CFAP91: variants seen among roughly 807,000 people sequenced by gnomAD.
The protein encoded by CFAP91 is cilia- and flagella-associated protein 91.
A neutral mutation model predicts 95.9 loss-of-function variants in CFAP91; 85 were observed. The ratio of observed to expected loss-of-function variants is 0.89; its 90% CI spans 0.74 to 1.06. CFAP91 has a LOEUF of 1.06. Among genes scored for constraint, CFAP91 ranks in the 50% least tolerant of loss-of-function variants. The pLI is 0.00. For missense variants in CFAP91, 962 were observed against 943.4 expected, an observed-to-expected ratio of 1.02 and a Z score of -0.26; for synonymous variants, 335 against 327.5, an observed-to-expected ratio of 1.02 and a Z score of -0.25.
chr3:119,732,256 T>C (rs564802939), intron 8 of CFAP91, 38 bp from the exon 9 acceptor site: 1 of 1,486,460 alleles, frequency 6.7e-7, no homozygotes, highest in African/African-American at 1.4e-5. Context: ...TTCAGAACAA[T>C]ATTTTAGAGA....
At chr3:119,710,694 AG>A (rs912120493) in intron 5 of CFAP91, among the ~76,000 whole-genome samples, 2 of 152,240 alleles carry the variant, frequency 1.3e-5, no homozygotes, top group Admixed American at 6.5e-5. Context: ...TAAACAAATC[AG>A]TCATGTAATA....
At chr3:119,717,350 A>G (rs953286586) in intron 6 of CFAP91, among the ~76,000 whole-genome samples, 1 of 152,210 alleles carries the variant, frequency 6.6e-6, no homozygotes, top group Non-Finnish European at 1.5e-5. Flanking sequence ...TTCATTAGGC[A>G]AAAAACAAAC....
intron 5 of CFAP91, chr3:119,713,265 A>G: frequency 6.6e-6 from 1 of 151,686 alleles, no homozygotes; most frequent in Middle Eastern, 3.4e-3. Flanking sequence ...GATTACAGGT[A>G]CGTGCCACCA....
chr3:119,750,138 C>T (rs923809270), intron 16 of CFAP91: 4 of 152,124 alleles, frequency 2.6e-5, no homozygotes, highest in African/African-American at 9.7e-5. Flanking sequence ...TACCTGATAC[C>T]CAAACAGCAA....
Position 119,703,042 on chromosome 3 carries a change from G to A in CFAP91, c.-57G>A. 1.3e-6 allele frequency: 2 copies of A among 1,530,782 alleles called. No homozygotes were observed. The highest frequency in any genetic ancestry group is 1.8e-6 in the Non-Finnish European group (2 of 1,133,566). 94.8% of individuals were successfully genotyped at this position (1,530,782 alleles called of 1,614,324 possible). ...CGGCCGTTACCATAGCGACGTGCAC[G>A]CAGTAGCCAGGCCTGACCCGCTGGT... On this transcript the variant is annotated 5_prime_UTR_variant, in exon 1 of 18. Coordinates refer to ENST00000273390, the MANE Select transcript of CFAP91 (RefSeq NM_033364.4).
intron 4 of CFAP91, 132 bp downstream of exon 4, chr3:119,708,806 T>C: frequency 1.7e-6 from 1 of 577,658 alleles, no homozygotes; most frequent in East Asian, 3.0e-5. Flanking sequence ...TACATGCATA[T>C]GATCTAATCG....
intron 6 of CFAP91, among the ~76,000 whole-genome samples, chr3:119,719,566 A>G (rs540204286): frequency 2.0e-5 from 3 of 152,358 alleles, no homozygotes; most frequent in South Asian, 2.1e-4. Flanking sequence ...TTAAATGAAT[A>G]ATAAAGTTGA....
chr3:119,750,887 G>T (rs1289912085), intron 16 of CFAP91, 50 bp from the exon 17 acceptor site: 2 of 1,602,204 alleles, frequency 1.2e-6, no homozygotes, highest in South Asian at 1.1e-5. Context: ...ATTTGGGAAT[G>T]GTTTTGTTCA....
rs2053443662 is a variant in CFAP91, at chr3:119,709,897, T to A, written c.500+2T>A. 6 of 1,602,244 alleles carry A rather than the reference T, an allele frequency of 3.7e-6. No homozygotes were observed. Among genetic ancestry groups the A allele is most frequent in the Non-Finnish European group, 5.1e-6 (6 of 1,169,526 alleles). On this transcript the variant is annotated splice_donor_variant, in intron 5 of 17. Coordinates refer to ENST00000273390, the MANE Select transcript of CFAP91 (RefSeq NM_033364.4). LOFTEE classifies it high-confidence loss of function. The stretch of plus-strand genomic sequence containing the variant: ...CAATGTTGTTTATGCCGTATCCAAG[T>A]AAGTAACCATTATTTGAAAACTCTT...
chr3:119,724,259 T>G (rs2053738342), intron 6 of CFAP91, among the ~76,000 whole-genome samples: 1 of 152,100 alleles, frequency 6.6e-6, no homozygotes, highest in Admixed American at 6.6e-5. Flanking sequence ...CATAAATTTG[T>G]ATATAAAATG....
At chr3:119,716,650 G>C (rs901258565) in intron 6 of CFAP91, among the ~76,000 whole-genome samples, 22 of 152,234 alleles carry the variant, frequency 1.4e-4, no homozygotes, top group African/African-American at 4.6e-4. Flanking sequence ...GCAGTGGTGC[G>C]ATCTTGGCTC....
At chr3:119,751,514 C>T (rs969592620) in intron 17 of CFAP91, among the ~76,000 whole-genome samples, 1 of 152,122 alleles carries the variant, frequency 6.6e-6, no homozygotes, top group Non-Finnish European at 1.5e-5. Context: ...GCTCAGACAC[C>T]TTCTGCAGTG....
rs1577257133 is a variant in CFAP91, at chr3:119,765,874, A to G, written c.*824A>G. On this transcript the variant is annotated 3_prime_UTR_variant, in exon 18 of 18. Coordinates refer to ENST00000273390, the MANE Select transcript of CFAP91 (RefSeq NM_033364.4). ...ACTCTGAAAACAAAGCTTATGTTAG[A>G]GAATATCTTACTGTAAGAAACAAGG... 2 of 152,364 alleles carry G rather than the reference A, an allele frequency of 1.3e-5. No homozygotes were observed. Among genetic ancestry groups the G allele is most frequent in the African/African-American group, 4.8e-5 (2 of 41,586 alleles). The allele number at this position is 152,364 out of a possible 1,614,324, so 9.4% of individuals were successfully genotyped here. A position where few individuals can be genotyped will look rare whatever the true frequency, so the allele number is the denominator to read the frequency against.
At position 119,747,241 on chromosome 3, in the gene CFAP91, A is replaced by T; in HGVS notation, c.2029A>T (p.Ile677Phe). ...IEKMAEKIND[I>F]AYEMESRRTY... ...GAAGATGGCTGAGAAAATCAATGAC[A>T]TTGCTTATGAAATGGAAAGCCGGTG... Residue 677 changes from isoleucine to phenylalanine, a missense_variant, in exon 15 of 18, where the codon ATT (isoleucine) becomes TTT (phenylalanine). By Grantham distance (21) the Ile-to-Phe change is conservative. Transcript: ENST00000273390. 10 of 1,613,558 alleles carry T rather than the reference A, an allele frequency of 6.2e-6. No homozygotes were observed. Among genetic ancestry groups the T allele is most frequent in the Non-Finnish European group, 8.5e-6 (10 of 1,179,738 alleles).
intron 17 of CFAP91, among the ~76,000 whole-genome samples, chr3:119,760,950 A>G (rs1465081029): frequency 1.3e-5 from 2 of 151,762 alleles, no homozygotes; most frequent in African/African-American, 4.8e-5. Context: ...ACAACGTAAT[A>G]TTACACCTCA....
In CFAP91 at chr3:119,707,505, T is replaced by G; in HGVS notation, c.303T>G (p.Ser101Arg). Residue 101 changes from serine (S) to arginine (R), a missense_variant, in exon 3 of 18, where the codon AGT becomes AGG. Transcript: ENST00000273390. ...CAGATCCTGTCCCACCATTTATCAGTCGGGAATGGAAGGGACATAAGGAGA... is the reference window on the plus strand; with the variant it reads ...CAGATCCTGTCCCACCATTTATCAGGCGGGAATGGAAGGGACATAAGGAGA... ...SKSDPVPPFI[S>R]REWKGHKEKH... 1 of 1,598,630 alleles carries G rather than the reference T, an allele frequency of 6.3e-7. No individual in the cohort carries two copies. The highest frequency in any genetic ancestry group is 8.6e-7 in the Non-Finnish European group (1 of 1,169,404).
Position 119,737,281 on chromosome 3 carries a change from T to G in CFAP91, c.1345-85T>G. 4.1e-6 allele frequency: 3 copies of G among 730,056 alleles called. No individual in the cohort carries two copies. In the South Asian group the frequency reaches 5.4e-5, roughly 13 times the overall value. The allele number at this position is 730,056 out of a possible 1,614,324, so 45.2% of individuals were successfully genotyped here. A position where few individuals can be genotyped will look rare whatever the true frequency, so the allele number is the denominator to read the frequency against. On this transcript the variant is annotated intron_variant, in intron 10 of 17. Coordinates refer to ENST00000273390, the MANE Select transcript of CFAP91 (RefSeq NM_033364.4). ...TAGATTTCACCATTATGTAATACAT[T>G]CATGTAAAAAACTGCACTTTTACCT...
At chr3:119,710,937 C>G (rs1203700374) in intron 5 of CFAP91, among the ~76,000 whole-genome samples, 1 of 152,184 alleles carries the variant, frequency 6.6e-6, no homozygotes, top group Non-Finnish European at 1.5e-5. Context: ...TTTTGCTACA[C>G]TCTTTCCTCT....
intron 6 of CFAP91, among the ~76,000 whole-genome samples, chr3:119,723,141 T>C (rs1577212416): frequency 6.6e-6 from 1 of 152,256 alleles, no homozygotes; most frequent in African/African-American, 2.4e-5. Flanking sequence ...TAAAAATATA[T>C]GTAATTCATG....
Sources: allele counts gnomAD v4.1 joint callset (sites outside exome capture counted in the v4.1 genomes callset), GRCh38; gene constraint gnomAD v4.1.1; transcripts MANE v1.5; gene names NCBI Gene and HGNC (gene_info 2026-07-23, HGNC 2026-07-21).